GUCY1A2: variants seen among roughly 807,000 people sequenced by gnomAD.
GUCY1A2 encodes the protein guanylate cyclase 1 soluble subunit alpha 2.
Under a neutral mutation model 63.5 loss-of-function variants are expected in GUCY1A2, and 27 were observed. That is an observed-to-expected ratio of 0.43 (90% confidence interval 0.31 to 0.59). GUCY1A2 has a LOEUF of 0.59. Ranked by LOEUF, GUCY1A2 falls within the 20% of genes least tolerant of loss-of-function variation. The pLI is 0.11. For missense variants in GUCY1A2, 768 were observed against 913.3 expected (o/e 0.84, Z 2.05); for synonymous variants, 364 against 343.5 (o/e 1.06, Z -0.66).
At chr11:106,728,764 C>A (rs1863450256) in intron 6 of GUCY1A2, among the ~76,000 whole-genome samples, 1 of 150,434 alleles carries the variant, frequency 6.6e-6, no homozygotes, top group Non-Finnish European at 1.5e-5. Flanking sequence ...TATTTGCAAC[C>A]CCATCTAAAT....
In GUCY1A2 at chr11:106,857,606, G is replaced by GT. The variant is rs1017532816; in HGVS notation, c.1207-47129dup. 4.6e-5 allele frequency among the ~76,000 whole-genome samples: 7 copies of GT among 152,172 alleles called. No individual in the cohort carries two copies. The South Asian group carries it at 1.2e-3, about 27-fold the overall frequency. The stretch of plus-strand genomic sequence containing the variant: ...CACCTTGCCTTTGCCAAATGATTCA[G>GT]TTTTTTCGAGAACGTACAGTCAGCT... On this transcript the variant is annotated intron_variant, in intron 4 of 7. Coordinates refer to ENST00000526355, the MANE Select transcript of GUCY1A2 (RefSeq NM_000855.3).
chr11:106,968,932 A>G (rs989177843), intron 3 of GUCY1A2, among the ~76,000 whole-genome samples: 2 of 152,186 alleles, frequency 1.3e-5, no homozygotes, highest in East Asian at 3.9e-4. Flanking sequence ...AGGTACTACT[A>G]TGAGTAACAG....
At chr11:106,876,543 C>G (rs1859751935) in intron 4 of GUCY1A2, among the ~76,000 whole-genome samples, 1 of 152,034 alleles carries the variant, frequency 6.6e-6, no homozygotes, top group Non-Finnish European at 1.5e-5. Flanking sequence ...TTCTCTCCAC[C>G]AGGCTCTCCT....
chr11:106,783,348 G>T (rs1391699969), intron 5 of GUCY1A2, among the ~76,000 whole-genome samples: 1 of 152,164 alleles, frequency 6.6e-6, no homozygotes, highest in African/African-American at 2.4e-5. Context: ...GCCAAGCACA[G>T]GTCCAACAAT....
chr11:106,885,865 T>A (rs1371640489), intron 4 of GUCY1A2, among the ~76,000 whole-genome samples: 1 of 152,216 alleles, frequency 6.6e-6, no homozygotes, highest in Admixed American at 6.5e-5. Flanking sequence ...AATGTTATTA[T>A]TGCCCACAAA....
Position 107,002,388 on chromosome 11 carries a change from G to GGTGTGTGTGTGT in GUCY1A2, c.303+15353_303+15364dup, listed in dbSNP as rs71044205. Among the ~76,000 whole-genome samples the GGTGTGTGTGTGT allele has an allele frequency of 8.3e-3, 1,235 of 149,122 alleles. 10 individuals carry two copies. Among genetic ancestry groups the GGTGTGTGTGTGT allele is most frequent in the African/African-American group, 0.028 (1,138 of 40,604 alleles). On this transcript the variant is annotated intron_variant, in intron 1 of 7. Coordinates refer to ENST00000526355, the MANE Select transcript of GUCY1A2 (RefSeq NM_000855.3). ...ATCAGACATGGAGAGAATAAGAACA[G>GGTGTGTGTGTGT]GTGTGTGTGTGTGTGTGTGTGTGTG...
intron 1 of GUCY1A2, among the ~76,000 whole-genome samples, chr11:106,988,375 C>T (rs1861428090): frequency 6.6e-6 from 1 of 152,172 alleles, no homozygotes; most frequent in African/African-American, 2.4e-5. Context: ...ATGATCCTTC[C>T]AATAACCTCT....
intron 6 of GUCY1A2, among the ~76,000 whole-genome samples, chr11:106,774,172 C>T (rs905199992): frequency 8.6e-5 from 13 of 151,778 alleles, no homozygotes; most frequent in African/African-American, 2.7e-4. Flanking sequence ...CTCGCTCTGT[C>T]ACCCAGGCTG....
chr11:106,705,080 T>A (rs1339724066), intron 7 of GUCY1A2, among the ~76,000 whole-genome samples: 3 of 152,074 alleles, frequency 2.0e-5, no homozygotes, highest in East Asian at 1.9e-4. Context: ...AATAAAAATT[T>A]CTTTTTTGTA....
rs188000259 is a variant in GUCY1A2, at chr11:106,914,679, A to G, written c.1206+24781T>C. Among the ~76,000 whole-genome samples, 9 of 152,076 alleles carry G rather than the reference A, an allele frequency of 5.9e-5. No individual in the cohort carries two copies. In the East Asian group the frequency reaches 1.2e-3, roughly 20 times the overall value. On this transcript the variant is annotated intron_variant, in intron 4 of 7. Transcript: ENST00000526355. ...TAAAAATTGAAAATCTGAGAAGAGA[A>G]ATAATTACAAGAGAAAATAAATAAA...
At chr11:106,940,342 A>G (rs924453321) in intron 3 of GUCY1A2, among the ~76,000 whole-genome samples, 164 bp from the exon 4 acceptor site, 1 of 152,240 alleles carries the variant, frequency 6.6e-6, no homozygotes, top group Non-Finnish European at 1.5e-5. Flanking sequence ...ATCTTGAATC[A>G]GAAAATATAA....
At chr11:106,737,964 T>C (rs1266107503) in intron 6 of GUCY1A2, among the ~76,000 whole-genome samples, 1 of 152,204 alleles carries the variant, frequency 6.6e-6, no homozygotes, top group Non-Finnish European at 1.5e-5. Context: ...CCTTGAGGAA[T>C]CACCACACTG....
chr11:106,700,343 C>A (rs747007434), intron 7 of GUCY1A2, among the ~76,000 whole-genome samples: 1 of 152,014 alleles, frequency 6.6e-6, no homozygotes. Context: ...AAAAGACAGA[C>A]TTATTTTTAA....
chr11:106,764,116 G>C (rs777031032), intron 6 of GUCY1A2, among the ~76,000 whole-genome samples: 1 of 151,772 alleles, frequency 6.6e-6, no homozygotes, highest in Non-Finnish European at 1.5e-5. Context: ...AAATTCTATA[G>C]AACTATCAAT....
At position 106,675,853 on chromosome 11, in the gene GUCY1A2, C is replaced by T. The variant is rs1186874897; in HGVS notation, c.*11696G>A. The T allele has an allele frequency of 2.1e-5, 4 of 187,608 alleles. No individual in the cohort carries two copies. The highest frequency in any genetic ancestry group is 1.1e-5 in the Non-Finnish European group (1 of 88,982). The allele number at this position is 187,608 out of a possible 1,614,324, so 11.6% of individuals were successfully genotyped here. ...TCAGTATAGGATAAACAAAAGTTAACAGAGAAATTCGTCCCTTTTGAAGTT... is the reference window on the plus strand; with the variant it reads ...TCAGTATAGGATAAACAAAAGTTAATAGAGAAATTCGTCCCTTTTGAAGTT... On this transcript the variant is annotated 3_prime_UTR_variant, in exon 8 of 8. Coordinates refer to ENST00000526355, the MANE Select transcript of GUCY1A2 (RefSeq NM_000855.3).
chr11:106,907,319 T>C lies in GUCY1A2; in HGVS notation c.1206+32141A>G, dbSNP rs182278225. Among the ~76,000 whole-genome samples the C allele has an allele frequency of 4.7e-3, 717 of 152,224 alleles. 7 individuals are homozygous for C. Among genetic ancestry groups the C allele is most frequent in the African/African-American group, 0.016 (651 of 41,554 alleles). Reference sequence around the variant, plus strand: ...AATACATTCATTGTATTAGGAGATATTTTTCTCTGATGTCTTTTTTTAGGG... The same window carrying C: ...AATACATTCATTGTATTAGGAGATACTTTTCTCTGATGTCTTTTTTTAGGG... On this transcript the variant is annotated intron_variant, in intron 4 of 7. Coordinates refer to ENST00000526355, the MANE Select transcript of GUCY1A2 (RefSeq NM_000855.3).
intron 4 of GUCY1A2, among the ~76,000 whole-genome samples, chr11:106,889,162 T>A (rs1161348522): frequency 1.3e-5 from 2 of 152,104 alleles, no homozygotes; most frequent in East Asian, 1.9e-4. Flanking sequence ...TTAACAATAT[T>A]CCCAAGGATA....
At chr11:106,825,924 A>C (rs1858963171) in intron 4 of GUCY1A2, among the ~76,000 whole-genome samples, 1 of 152,212 alleles carries the variant, frequency 6.6e-6, no homozygotes, top group African/African-American at 2.4e-5. Context: ...TTCAACAAAA[A>C]AGGAGTAAGT....
chr11:106,771,720 C>G (rs1864259702), intron 6 of GUCY1A2, among the ~76,000 whole-genome samples: 2 of 151,818 alleles, frequency 1.3e-5, no homozygotes, highest in African/African-American at 4.8e-5. Context: ...ACACTGCACT[C>G]CAGCCTGGAC....
Sources: gnomAD v4.1 joint callset for allele counts (sites outside exome capture counted in the v4.1 genomes callset) on GRCh38, gnomAD v4.1.1 for gene constraint, MANE v1.5 for transcripts, NCBI Gene and HGNC (gene_info 2026-07-23, HGNC 2026-07-21) for gene names.